The following SLC24A2 variants were observed in gnomAD, a reference collection of about 807,000 sequenced individuals.
The protein encoded by SLC24A2 is solute carrier family 24 member 2.
Under a neutral mutation model 62.0 loss-of-function variants are expected in SLC24A2, and 36 were observed. The observed-to-expected ratio is 0.58, with a 90% CI of 0.44 to 0.77. SLC24A2 has a LOEUF of 0.77. Ranked by LOEUF, SLC24A2 falls within the 30% of genes least tolerant of loss-of-function variation. SLC24A2 has a pLI of 0.00. For missense variants in SLC24A2, 846 were observed against 817.9 expected (o/e 1.03, Z -0.42); for synonymous variants, 358 against 294.0 (o/e 1.22, Z -2.23).
At chr9:19,566,892 T>C (rs996534626) in intron 7 of SLC24A2, among the ~76,000 whole-genome samples, 1 of 148,150 alleles carries the variant, frequency 6.7e-6, no homozygotes, top group Non-Finnish European at 1.5e-5. Flanking sequence ...TTCTCACTCA[T>C]AGGTGGAAAT....
chr9:20,261,324 T>C, the SLC24A2 span, among the ~76,000 whole-genome samples: 3 of 152,168 alleles, frequency 2.0e-5, no homozygotes, highest in Non-Finnish European at 1.5e-5. Context: ...TTGTGGAGGC[T>C]GGGAAGTCCA....
the SLC24A2 span, among the ~76,000 whole-genome samples, chr9:19,938,302 G>A: frequency 2.6e-5 from 4 of 152,138 alleles, no homozygotes; most frequent in Admixed American, 2.6e-4. Context: ...TGAATTGATA[G>A]GTTCTTTAAT....
the SLC24A2 span, among the ~76,000 whole-genome samples, chr9:19,968,153 G>A: frequency 1.3e-5 from 2 of 152,122 alleles, no homozygotes; most frequent in East Asian, 1.9e-4. Context: ...ACTTTGAACA[G>A]AGCCTGGTTT....
chr9:19,841,241 T>C, the SLC24A2 span, among the ~76,000 whole-genome samples: 1 of 152,138 alleles, frequency 6.6e-6, no homozygotes, highest in Non-Finnish European at 1.5e-5. Context: ...AAGACAGATA[T>C]AACATTATAT....
rs961307642 is a variant in SLC24A2, at chr9:19,703,294, C to G, written c.931-80995G>C. ...AGAGAGATTACATGACTTATTTCTTCAATACTCAGTAAATGGCAGAGCTGG... is the reference window on the plus strand; with the variant it reads ...AGAGAGATTACATGACTTATTTCTTGAATACTCAGTAAATGGCAGAGCTGG... On this transcript the variant is annotated intron_variant, in intron 2 of 10. Coordinates refer to ENST00000341998, the MANE Select transcript of SLC24A2 (RefSeq NM_020344.4). Among the ~76,000 whole-genome samples, 4 of 152,156 alleles carry G rather than the reference C, an allele frequency of 2.6e-5. 1 individual carries two copies. In the South Asian group the frequency reaches 8.3e-4, roughly 32 times the overall value.
intron 8 of SLC24A2, among the ~76,000 whole-genome samples, chr9:19,541,687 G>A (rs1454324903): frequency 1.3e-5 from 2 of 148,540 alleles, no homozygotes; most frequent in Non-Finnish European, 3.0e-5. Context: ...CCCAGAGGTG[G>A]AGCCTACAGA....
At chr9:20,000,075 G>A in the SLC24A2 span, among the ~76,000 whole-genome samples, 6 of 151,854 alleles carry the variant, frequency 4.0e-5, no homozygotes, top group South Asian at 6.2e-4. Flanking sequence ...CTTTGTGATC[G>A]ATCTGCAACT....
the SLC24A2 span, among the ~76,000 whole-genome samples, chr9:19,844,185 C>T: frequency 4.6e-5 from 7 of 152,174 alleles, no homozygotes; most frequent in African/African-American, 1.7e-4. Context: ...TTGCCAGCAT[C>T]TGTTGTTTTG....
At chr9:19,995,225 T>G in the SLC24A2 span, among the ~76,000 whole-genome samples, 6 of 152,152 alleles carry the variant, frequency 3.9e-5, no homozygotes, top group Non-Finnish European at 8.8e-5. Flanking sequence ...CTTTTAGACT[T>G]AAAAATCATA....
chr9:20,007,957 A>G, the SLC24A2 span, among the ~76,000 whole-genome samples: 1 of 121,690 alleles, frequency 8.2e-6, no homozygotes, highest in African/African-American at 3.2e-5. Flanking sequence ...GTGAAGTGGC[A>G]TGATCTCGGT....
chr9:20,271,464 CTTT>C, the SLC24A2 span, among the ~76,000 whole-genome samples: 2 of 149,156 alleles, frequency 1.3e-5, no homozygotes, highest in African/African-American at 4.9e-5. Context: ...ATGGAATTTC[CTTT>C]TTTATTTTTT....
the SLC24A2 span, among the ~76,000 whole-genome samples, chr9:19,899,445 A>G: frequency 0.57 from 86,017 of 152,034 alleles, 27,013 homozygotes; most frequent in Non-Finnish European, 0.71. Context: ...GCTGGGGCTC[A>G]AGCCAAAGTC....
chr9:20,179,762 C>G, the SLC24A2 span, among the ~76,000 whole-genome samples: 1 of 152,144 alleles, frequency 6.6e-6, no homozygotes, highest in Non-Finnish European at 1.5e-5. Flanking sequence ...TGCTCTAGGA[C>G]AGACTGAGGG....
the SLC24A2 span, among the ~76,000 whole-genome samples, chr9:19,815,507 A>G: frequency 6.6e-6 from 1 of 152,074 alleles, no homozygotes; most frequent in Non-Finnish European, 1.5e-5. Context: ...GAGTGCTCAT[A>G]TCCTTTTTTT....
chr9:19,752,430 A>G (rs1394705379), intron 2 of SLC24A2, among the ~76,000 whole-genome samples: 1 of 150,054 alleles, frequency 6.7e-6, no homozygotes, highest in Non-Finnish European at 1.5e-5. Flanking sequence ...ACTGGAGAAA[A>G]GAGGCTGTGT....
At chr9:20,276,359 C>G in the SLC24A2 span, among the ~76,000 whole-genome samples, 1 of 152,224 alleles carries the variant, frequency 6.6e-6, no homozygotes, top group Non-Finnish European at 1.5e-5. Context: ...AATTAAAGCT[C>G]CAAAATGATC....
At chr9:19,679,102 T>C (rs916389357) in intron 2 of SLC24A2, among the ~76,000 whole-genome samples, 1 of 152,154 alleles carries the variant, frequency 6.6e-6, no homozygotes, top group African/African-American at 2.4e-5. Context: ...TGGCAGGGGA[T>C]TGAGGCAGTC....
chr9:20,234,489 G>A, the SLC24A2 span, among the ~76,000 whole-genome samples: 20,035 of 151,834 alleles, frequency 0.13, 1,560 homozygotes, highest in African/African-American at 0.21. Context: ...GTCTTCCATC[G>A]CTGATACCCT....
At chr9:19,921,199 T>G in the SLC24A2 span, among the ~76,000 whole-genome samples, 1 of 152,034 alleles carries the variant, frequency 6.6e-6, no homozygotes, top group African/African-American at 2.4e-5. Flanking sequence ...TTAATGACCT[T>G]TCTATAGTTT....
Sources: gnomAD v4.1 joint callset for allele counts (sites outside exome capture counted in the v4.1 genomes callset) on GRCh38, gnomAD v4.1.1 for gene constraint, MANE v1.5 for transcripts, NCBI Gene and HGNC (gene_info 2026-07-23, HGNC 2026-07-21) for gene names.